Variants in SLC5A4 observed in about 807,000 individuals in gnomAD.
SLC5A4 encodes the protein solute carrier family 5 member 4.
Under a neutral mutation model 70.3 loss-of-function variants are expected in SLC5A4, and 55 were observed. The ratio of observed to expected loss-of-function variants is 0.78; its 90% CI spans 0.63 to 0.98. The LOEUF (loss-of-function observed/expected upper bound fraction) is 0.98. Among genes scored for constraint, SLC5A4 ranks in the 50% least tolerant of loss-of-function variants. The probability of loss-of-function intolerance (pLI) is 0.00; values close to 1 mark genes in which losing one functional copy is unlikely to be tolerated. For synonymous variants in SLC5A4, 268 were observed against 305.7 expected (o/e 0.88, Z 1.29); for missense variants, 735 against 839.2 (o/e 0.88, Z 1.53).
the SLC5A4 span, among the ~76,000 whole-genome samples, chr22:32,303,303 G>C: frequency 6.6e-6 from 1 of 152,158 alleles, no homozygotes; most frequent in Non-Finnish European, 1.5e-5. Context: ...CTCAAAGTGG[G>C]GTAAAGGACT....
chr22:32,274,258 T>G, the SLC5A4 span, among the ~76,000 whole-genome samples: 17,839 of 152,090 alleles, frequency 0.12, 1,421 homozygotes, highest in Non-Finnish European at 0.18. Context: ...GCCAGGATGG[T>G]CTCGATCTCC....
chr22:32,308,190 G>T, the SLC5A4 span, among the ~76,000 whole-genome samples: 1 of 152,068 alleles, frequency 6.6e-6, no homozygotes, highest in Non-Finnish European at 1.5e-5. Flanking sequence ...CAAACATGGG[G>T]GAAATCTGTA....
At chr22:32,286,792 A>T in the SLC5A4 span, among the ~76,000 whole-genome samples, 3 of 152,262 alleles carry the variant, frequency 2.0e-5, no homozygotes, top group African/African-American at 4.8e-5. Flanking sequence ...CTTACAAGAA[A>T]TAAGTGGCTA....
At chr22:32,291,843 T>G in the SLC5A4 span, among the ~76,000 whole-genome samples, 1 of 144,666 alleles carries the variant, frequency 6.9e-6, no homozygotes, top group Non-Finnish European at 1.5e-5. Flanking sequence ...TGTATATATA[T>G]GTATGTATAT....
At chr22:32,315,606 C>T in the SLC5A4 span, among the ~76,000 whole-genome samples, 322 of 151,848 alleles carry the variant, frequency 2.1e-3, 2 homozygotes, top group Admixed American at 0.013. Flanking sequence ...GGATCAAAAA[C>T]GCAGCTTTCC....
chr22:32,336,514 G>T, the SLC5A4 span, among the ~76,000 whole-genome samples: 1 of 152,348 alleles, frequency 6.6e-6, no homozygotes, highest in African/African-American at 2.4e-5. Flanking sequence ...CCAGGAGGGG[G>T]CTTGTAAGAT....
At chr22:32,337,970 TA>T in the SLC5A4 span, among the ~76,000 whole-genome samples, 1 of 151,816 alleles carries the variant, frequency 6.6e-6, no homozygotes, top group Non-Finnish European at 1.5e-5. Flanking sequence ...TGGCTGTGTT[TA>T]ACAACAGGCT....
the SLC5A4 span, among the ~76,000 whole-genome samples, chr22:32,351,320 T>TA: frequency 2.0e-5 from 3 of 152,170 alleles, no homozygotes; most frequent in Non-Finnish European, 4.4e-5. Context: ...ATTAACAGGA[T>TA]ATGAAAGCAC....
chr22:32,221,159 G>A lies in SLC5A4; in HGVS notation c.1666-137C>T, dbSNP rs1810428891. ...GGAGAATATAGATCACAAAGAAAAG[G>A]CCTCCTACCACACTCACTCATCAAA... On this transcript the variant is annotated intron_variant, in intron 13 of 14. Coordinates refer to ENST00000266086, the MANE Select transcript of SLC5A4 (RefSeq NM_014227.3). 7.9e-6 allele frequency: 4 copies of A among 507,998 alleles called. No individual in the cohort carries two copies. The South Asian group carries it at 1.7e-4, about 21-fold the overall frequency. 31.5% of individuals were successfully genotyped at this position (507,998 alleles called of 1,614,324 possible).
the SLC5A4 span, among the ~76,000 whole-genome samples, chr22:32,294,298 GATTA>G: frequency 2.0e-5 from 3 of 152,136 alleles, no homozygotes; most frequent in Non-Finnish European, 2.9e-5. Flanking sequence ...TCTTCAGGTT[GATTA>G]ATTATCTCTC....
rs1288024729 is a variant in SLC5A4 at position 32,229,236 on chromosome 22, A to G, written c.1238T>C (p.Met413Thr). Reference protein sequence around the residue: ...TLFTIDLYTKMRKQASEKELL... With the variant: ...TLFTIDLYTKTRKQASEKELL... The stretch of plus-strand genomic sequence containing the variant: ...CTCTTTCTCCGACGCTTGCTTCCGC[A>G]TCTTGGTGTAGAGGTCAATGGTGAA... The change falls in exon 11 of 15, where the codon ATG becomes ACG. Residue 413 changes from methionine to threonine, a missense_variant. Coordinates refer to ENST00000266086, the MANE Select transcript of SLC5A4 (RefSeq NM_014227.3). 12 of 1,614,118 alleles carry G rather than the reference A, an allele frequency of 7.4e-6. No homozygotes were observed. The highest frequency in any genetic ancestry group is 8.5e-6 in the Non-Finnish European group (10 of 1,179,990).
chr22:32,334,004 CACT>C, the SLC5A4 span, among the ~76,000 whole-genome samples: 345 of 151,280 alleles, frequency 2.3e-3, 5 homozygotes, highest in South Asian at 6.5e-3. Context: ...ACACTACACA[CACT>C]ACACCATGCC....
At chr22:32,326,651 G>T in the SLC5A4 span, among the ~76,000 whole-genome samples, 1 of 152,144 alleles carries the variant, frequency 6.6e-6, no homozygotes, top group African/African-American at 2.4e-5. Context: ...ACAGTACAGG[G>T]ACATCAAGGA....
the SLC5A4 span, chr22:32,271,104 C>A: frequency 1.7e-6 from 1 of 595,050 alleles, no homozygotes. Flanking sequence ...AGCAGCCAGC[C>A]CCTGCCGACT....
chr22:32,304,471 G>T, the SLC5A4 span, among the ~76,000 whole-genome samples: 1 of 151,994 alleles, frequency 6.6e-6, no homozygotes, highest in Non-Finnish European at 1.5e-5. Flanking sequence ...TTGAGACAGG[G>T]TCTCACTGTA....
At chr22:32,236,707 T>A (rs906059522) in intron 7 of SLC5A4, among the ~76,000 whole-genome samples, 1 of 145,308 alleles carries the variant, frequency 6.9e-6, no homozygotes, top group Non-Finnish European at 1.5e-5. Context: ...AAGCAGTAAT[T>A]TTTTTTTTTT....
intron 9 of SLC5A4, 31 bp from the exon 10 acceptor site, chr22:32,231,106 A>G (rs1925736409): frequency 3.1e-6 from 4 of 1,280,616 alleles, no homozygotes; most frequent in Middle Eastern, 1.8e-4. Context: ...GAGTCCAATG[A>G]GGCCCAAATA....
intron 5 of SLC5A4, among the ~76,000 whole-genome samples, chr22:32,242,039 T>C (rs1373109397): frequency 1.3e-5 from 2 of 152,072 alleles, no homozygotes; most frequent in East Asian, 3.8e-4. Flanking sequence ...ACTGTATATG[T>C]ACGTGTATAG....
At chr22:32,300,050 C>T in the SLC5A4 span, among the ~76,000 whole-genome samples, 1 of 147,520 alleles carries the variant, frequency 6.8e-6, no homozygotes, top group Non-Finnish European at 1.5e-5. Context: ...AACCACTGCT[C>T]TCTTCAAAGC....
Sources: gnomAD v4.1 joint callset for allele counts (sites outside exome capture counted in the v4.1 genomes callset) on GRCh38, gnomAD v4.1.1 for gene constraint, MANE v1.5 for transcripts, NCBI Gene and HGNC (gene_info 2026-07-23, HGNC 2026-07-21) for gene names.